NLN: variants seen among roughly 807,000 people sequenced by gnomAD.
NLN encodes the protein neurolysin, mitochondrial.
Under a neutral mutation model 79.9 loss-of-function variants are expected in NLN, and 64 were observed. The observed-to-expected ratio is 0.80, with a 90% CI of 0.65 to 0.99. The LOEUF is 0.99. Among genes scored for constraint, NLN ranks in the 50% least tolerant of loss-of-function variants. The pLI, the probability that NLN is intolerant of heterozygous loss-of-function variation, is 0.00. For missense variants in NLN, 835 were observed against 858.7 expected (o/e 0.97, Z 0.34); for synonymous variants, 267 against 296.6 (o/e 0.90, Z 1.02).
chr5:65,733,915 T>C (rs1393996623), intron 1 of NLN, among the ~76,000 whole-genome samples: 1 of 134,818 alleles, frequency 7.4e-6, no homozygotes, highest in African/African-American at 2.8e-5. Context: ...TTTTTTTTTT[T>C]GAGACGGAGT....
chr5:65,726,955 C>G (rs1330358366), intron 1 of NLN, among the ~76,000 whole-genome samples: 1 of 152,160 alleles, frequency 6.6e-6, no homozygotes, highest in Non-Finnish European at 1.5e-5. Flanking sequence ...AACTGACTTA[C>G]AGTTTCCATT....
intron 3 of NLN, among the ~76,000 whole-genome samples, chr5:65,770,534 T>G (rs1759544179): frequency 6.6e-6 from 1 of 152,222 alleles, no homozygotes; most frequent in African/African-American, 2.4e-5. Flanking sequence ...GTTATCTTTG[T>G]GGATATGGAT....
rs1027100708 is a variant in NLN, at chr5:65,792,449, C to T, written c.1326-5C>T. 1.1e-5 allele frequency: 17 copies of T among 1,609,394 alleles called. No homozygotes were observed. The Admixed American group carries it at 2.3e-4, about 22-fold the overall frequency. On this transcript the variant is annotated splice_polypyrimidine_tract_variant and splice_region_variant and intron_variant, in intron 8 of 12. Transcript: ENST00000380985. The stretch of plus-strand genomic sequence containing the variant: ...ATGTTGCCAACGCGTGTTTCTGGCT[C>T]CTAGGGAAGGAAAATACAATCATGC...
chr5:65,744,111 A>G (rs1038157837), intron 1 of NLN, among the ~76,000 whole-genome samples: 5 of 150,962 alleles, frequency 3.3e-5, no homozygotes, highest in Non-Finnish European at 7.4e-5. Flanking sequence ...GCTGGAGTGC[A>G]GTGACACAAT....
chr5:65,819,832 T>G (rs1394005476), intron 12 of NLN, among the ~76,000 whole-genome samples: 1 of 152,084 alleles, frequency 6.6e-6, no homozygotes, highest in Non-Finnish European at 1.5e-5. Flanking sequence ...ACACAAAAAT[T>G]CACTTAACTA....
At chr5:65,759,400 CTGTG>C (rs4019070) in intron 2 of NLN, among the ~76,000 whole-genome samples, 5 of 147,952 alleles carry the variant, frequency 3.4e-5, no homozygotes, top group South Asian at 2.1e-4. Context: ...GTGTGTGTGT[CTGTG>C]TGTGTGTGTG....
chr5:65,735,069 G>A (rs923060504), intron 1 of NLN, among the ~76,000 whole-genome samples: 8 of 152,200 alleles, frequency 5.3e-5, no homozygotes, highest in African/African-American at 1.9e-4. Context: ...GAATCATGAG[G>A]CAGTTACCCC....
chr5:65,735,175 A>G (rs767288900), intron 1 of NLN, among the ~76,000 whole-genome samples: 6 of 152,106 alleles, frequency 3.9e-5, no homozygotes, highest in Non-Finnish European at 8.8e-5. Context: ...CTGCCACCAC[A>G]TGAATAAGGA....
chr5:65,730,047 T>C (rs1758571418), intron 1 of NLN, among the ~76,000 whole-genome samples: 1 of 152,248 alleles, frequency 6.6e-6, no homozygotes, highest in Non-Finnish European at 1.5e-5. Flanking sequence ...GATTGGCTGA[T>C]TTCTTCATTC....
chr5:65,725,707 G>C (rs890430935), intron 1 of NLN, among the ~76,000 whole-genome samples: 3 of 152,186 alleles, frequency 2.0e-5, no homozygotes, highest in Non-Finnish European at 2.9e-5. Flanking sequence ...ACTGTCAGTT[G>C]TTTTACTTGA....
At position 65,809,516 on chromosome 5, in the gene NLN, C is replaced by T. The variant is rs752265463; in HGVS notation, c.1529C>T (p.Thr510Ile). 6.3e-7 allele frequency: 1 copy of T among 1,589,026 alleles called. No individual in the cohort carries two copies. Among genetic ancestry groups the T allele is most frequent in the Non-Finnish European group, 8.5e-7 (1 of 1,170,960 alleles). The change falls in exon 10 of 13, where the codon ACT becomes ATT. Residue 510 changes from threonine to isoleucine, a missense_variant and splice_region_variant. Transcript: ENST00000380985. Reference protein sequence around the residue: ...GHVMHQICAQTDFARFSGTNV... With the variant: ...GHVMHQICAQIDFARFSGTNV... ...AAATTCTCTGTGTTTGCTTTCTAGACTGATTTTGCACGATTTAGCGGAACA... is the reference window on the plus strand; with the variant it reads ...AAATTCTCTGTGTTTGCTTTCTAGATTGATTTTGCACGATTTAGCGGAACA...
chr5:65,748,271 A>G (rs892473738), intron 1 of NLN, among the ~76,000 whole-genome samples: 2 of 152,174 alleles, frequency 1.3e-5, no homozygotes, highest in Non-Finnish European at 2.9e-5. Flanking sequence ...TGTTAGAGTG[A>G]GAAAATAGAG....
At chr5:65,726,281 G>A (rs1306247272) in intron 1 of NLN, among the ~76,000 whole-genome samples, 1 of 152,048 alleles carries the variant, frequency 6.6e-6, no homozygotes, top group Non-Finnish European at 1.5e-5. Context: ...ATAACTCAAA[G>A]GTAGAGATTT....
intron 3 of NLN, among the ~76,000 whole-genome samples, chr5:65,772,542 C>T (rs1307135530): frequency 2.6e-5 from 4 of 152,116 alleles, no homozygotes; most frequent in Non-Finnish European, 4.4e-5. Flanking sequence ...GTCCTCTTCA[C>T]CATGTAGTAA....
At chr5:65,734,890 TTCTC>T (rs999015461) in intron 1 of NLN, among the ~76,000 whole-genome samples, 4 of 152,230 alleles carry the variant, frequency 2.6e-5, no homozygotes, top group Non-Finnish European at 5.9e-5. Flanking sequence ...TTTCGTAGCT[TTCTC>T]CTCTGCCAAG....
intron 1 of NLN, among the ~76,000 whole-genome samples, chr5:65,732,141 T>C (rs1324510009): frequency 6.6e-6 from 1 of 152,218 alleles, no homozygotes; most frequent in African/African-American, 2.4e-5. Context: ...AAAGACTTCT[T>C]CAAATTATTG....
At chr5:65,801,940 G>A (rs1760293672) in intron 9 of NLN, among the ~76,000 whole-genome samples, 1 of 152,140 alleles carries the variant, frequency 6.6e-6, no homozygotes, top group African/African-American at 2.4e-5. Context: ...CTTCATACAA[G>A]CAGGATATAC....
chr5:65,729,533 C>G (rs568710807), intron 1 of NLN, among the ~76,000 whole-genome samples: 3 of 151,988 alleles, frequency 2.0e-5, no homozygotes, highest in Admixed American at 6.6e-5. Context: ...TGCCACCACG[C>G]CCAGCTAATA....
intron 1 of NLN, among the ~76,000 whole-genome samples, chr5:65,738,928 G>GTA (rs1554028903): frequency 9.0e-6 from 1 of 111,698 alleles, no homozygotes; most frequent in Non-Finnish European, 1.8e-5. Flanking sequence ...ATATATGTGT[G>GTA]TATATATATT....
Sources: gnomAD v4.1 joint callset for allele counts (sites outside exome capture counted in the v4.1 genomes callset) on GRCh38, gnomAD v4.1.1 for gene constraint, MANE v1.5 for transcripts, NCBI Gene and HGNC (gene_info 2026-07-23, HGNC 2026-07-21) for gene names.